CCDC138: variants seen among roughly 807,000 people sequenced by gnomAD.
CCDC138 encodes coiled-coil domain-containing protein 138.
In CCDC138, 66 loss-of-function variants were observed where a neutral mutation model predicts 82.3. The observed-to-expected ratio is 0.80, with a 90% CI of 0.66 to 0.98. The LOEUF (loss-of-function observed/expected upper bound fraction) is 0.98. Ranked by LOEUF, CCDC138 falls within the 50% of genes least tolerant of loss-of-function variation. CCDC138 has a pLI of 0.00. For missense variants in CCDC138, 816 were observed against 758.9 expected (o/e 1.08, Z -0.88); for synonymous variants, 297 against 265.4 (o/e 1.12, Z -1.16).
At chr2:108,815,028 G>A (rs1003877065) in intron 9 of CCDC138, among the ~76,000 whole-genome samples, 2 of 152,098 alleles carry the variant, frequency 1.3e-5, no homozygotes, top group African/African-American at 2.4e-5. Flanking sequence ...AATTAAATTA[G>A]AAATGTGTTT....
intron 10 of CCDC138, among the ~76,000 whole-genome samples, chr2:108,831,181 A>G (rs1687532530): frequency 6.6e-6 from 1 of 152,188 alleles, no homozygotes; most frequent in South Asian, 2.1e-4. Context: ...TCTGTCTCAA[A>G]AAAAAAGAAA....
chr2:108,843,880 T>TGTGTG (rs1558717151), intron 11 of CCDC138, among the ~76,000 whole-genome samples: 10 of 94,134 alleles, frequency 1.1e-4, no homozygotes, highest in African/African-American at 5.5e-4. Context: ...GTGTGTGTGT[T>TGTGTG]TCTTTCTTTT....
intron 13 of CCDC138, among the ~76,000 whole-genome samples, chr2:108,872,562 C>T (rs4584990): frequency 0.73 from 110,701 of 151,964 alleles, 43,051 homozygotes; most frequent in East Asian, 0.95. Flanking sequence ...ATGAACAGAA[C>T]TTTAATGGCG....
At chr2:108,825,676 T>C (rs1387094379) in intron 10 of CCDC138, among the ~76,000 whole-genome samples, 1 of 152,208 alleles carries the variant, frequency 6.6e-6, no homozygotes, top group East Asian at 1.9e-4. Flanking sequence ...AATATAGATA[T>C]AACATTTTAT....
chr2:108,818,580 AAGT>A (rs1685158916), intron 10 of CCDC138, among the ~76,000 whole-genome samples: 1 of 152,176 alleles, frequency 6.6e-6, no homozygotes, highest in Non-Finnish European at 1.5e-5. Flanking sequence ...ATAGAAGAGT[AAGT>A]AGTACCAGAT....
At chr2:108,787,055 C>T (rs917562467) in intron 1 of CCDC138, 140 bp downstream of exon 1, 7 of 445,874 alleles carry the variant, frequency 1.6e-5, no homozygotes, top group Non-Finnish European at 2.6e-5. Context: ...CGGCTTGGGC[C>T]TCGTGGAAGC....
At chr2:108,808,776 A>G (rs1683274505) in intron 7 of CCDC138, among the ~76,000 whole-genome samples, 2 of 152,048 alleles carry the variant, frequency 1.3e-5, no homozygotes, top group Admixed American at 6.5e-5. Context: ...TAGTTTGCAT[A>G]TATTTTCTCC....
intron 13 of CCDC138, among the ~76,000 whole-genome samples, chr2:108,860,674 C>A (rs2104782463): frequency 6.6e-6 from 1 of 152,004 alleles, no homozygotes; most frequent in Non-Finnish European, 1.5e-5. Flanking sequence ...GGTGGATTAC[C>A]TTTTTGATGT....
intron 10 of CCDC138, among the ~76,000 whole-genome samples, chr2:108,827,275 A>T (rs935568010): frequency 6.6e-6 from 1 of 152,240 alleles, no homozygotes; most frequent in African/African-American, 2.4e-5. Context: ...TCCAGTTGCT[A>T]AAAAGCAAAA....
At chr2:108,842,653 A>G (rs1024802518) in intron 11 of CCDC138, among the ~76,000 whole-genome samples, 3 of 152,134 alleles carry the variant, frequency 2.0e-5, no homozygotes, top group African/African-American at 7.2e-5. Flanking sequence ...TCCATAGGGA[A>G]GTGGTCATTA....
chr2:108,835,882 A>G (rs573431075), intron 10 of CCDC138, among the ~76,000 whole-genome samples: 1 of 152,338 alleles, frequency 6.6e-6, no homozygotes, highest in African/African-American at 2.4e-5. Flanking sequence ...AGCATCTGAT[A>G]GGGGCTTTCT....
At chr2:108,788,760 T>C (rs1679396336) in intron 2 of CCDC138, 92 bp from the exon 3 acceptor site, 18 of 1,492,668 alleles carry the variant, frequency 1.2e-5, no homozygotes, top group Non-Finnish European at 1.6e-5. Context: ...GAGAAGATTT[T>C]AAAAATAGTA....
chr2:108,870,540 C>T (rs551158903), intron 13 of CCDC138, among the ~76,000 whole-genome samples: 103 of 152,124 alleles, frequency 6.8e-4, no homozygotes, highest in Admixed American at 1.4e-3. Context: ...ACCCAGAGTC[C>T]GACATCAAGA....
chr2:108,857,271 G>T lies in CCDC138; in HGVS notation c.1693+301G>T, dbSNP rs564749993. Among the ~76,000 whole-genome samples, 11 of 151,948 alleles carry T rather than the reference G, an allele frequency of 7.2e-5. No homozygotes were observed. The East Asian group carries it at 2.1e-3, about 29-fold the overall frequency. The stretch of plus-strand genomic sequence containing the variant: ...TTTTTATATTTTTGGTAGAGACGGG[G>T]TTTCACCATGTTGGCCAGGATGGTC... On this transcript the variant is annotated intron_variant, in intron 13 of 14. Transcript: ENST00000295124.
intron 9 of CCDC138, among the ~76,000 whole-genome samples, chr2:108,814,900 T>C (rs1456408515): frequency 1.3e-5 from 2 of 152,166 alleles, no homozygotes; most frequent in African/African-American, 4.8e-5. Context: ...CCTCCCAAAG[T>C]GCTGGGATTA....
chr2:108,832,012 C>T (rs534797806), intron 10 of CCDC138, among the ~76,000 whole-genome samples: 131 of 151,978 alleles, frequency 8.6e-4, no homozygotes, highest in Admixed American at 1.5e-3. Flanking sequence ...GGATTACAAG[C>T]GTGAGCCACC....
intron 11 of CCDC138, among the ~76,000 whole-genome samples, chr2:108,842,229 T>C (rs1371321594): frequency 6.6e-6 from 1 of 151,602 alleles, no homozygotes; most frequent in Non-Finnish European, 1.5e-5. Flanking sequence ...GATAGAGGCA[T>C]TGTCTTGCTT....
chr2:108,825,844 GT>G (rs1397643159), intron 10 of CCDC138, among the ~76,000 whole-genome samples: 1 of 152,132 alleles, frequency 6.6e-6, no homozygotes, highest in East Asian at 1.9e-4. Context: ...GTGCCAGACT[GT>G]TTGTCAAAGT....
At chr2:108,864,468 G>A (rs1293651957) in intron 13 of CCDC138, among the ~76,000 whole-genome samples, 4 of 152,062 alleles carry the variant, frequency 2.6e-5, no homozygotes, top group Non-Finnish European at 5.9e-5. Context: ...TTTGAGACCA[G>A]CCTGGGCAAC....
Sources: gnomAD v4.1 joint callset for allele counts (sites outside exome capture counted in the v4.1 genomes callset) on GRCh38, gnomAD v4.1.1 for gene constraint, MANE v1.5 for transcripts, NCBI Gene and HGNC (gene_info 2026-07-23, HGNC 2026-07-21) for gene names.